CD86: variants seen among roughly 807,000 people sequenced by gnomAD.
CD86 encodes the protein CD86 molecule, also known as T-lymphocyte activation antigen CD86.
In CD86, 11 loss-of-function variants were observed where a neutral mutation model predicts 32.1. The observed-to-expected ratio is 0.34, with a 90% confidence interval of 0.22 to 0.57. The LOEUF is 0.57. Among genes scored for constraint, CD86 ranks in the 20% least tolerant of loss-of-function variants. The pLI is 0.86. For missense variants in CD86, 359 were observed against 398.4 expected, an observed-to-expected ratio of 0.90 and a Z score of 0.84; for synonymous variants, 137 against 135.3, an observed-to-expected ratio of 1.01 and a Z score of -0.09.
At chr3:122,066,524 C>G (rs1401004911) in intron 1 of CD86, among the ~76,000 whole-genome samples, 1 of 152,146 alleles carries the variant, frequency 6.6e-6, no homozygotes, top group Non-Finnish European at 1.5e-5. Context: ...GTCACACTAG[C>G]TGTGTGATCT....
At chr3:122,074,185 G>A (rs972362981) in intron 1 of CD86, among the ~76,000 whole-genome samples, 2 of 152,226 alleles carry the variant, frequency 1.3e-5, no homozygotes, top group South Asian at 2.1e-4. Context: ...TTCTAGGCAT[G>A]AGCCATCACA....
chr3:122,085,743 G>A (rs1350827790), intron 1 of CD86, among the ~76,000 whole-genome samples: 1 of 152,140 alleles, frequency 6.6e-6, no homozygotes. Context: ...GAAACTTCAG[G>A]TCCTGGTGCT....
At chr3:122,056,820 T>C (rs1450000986) in intron 1 of CD86, among the ~76,000 whole-genome samples, 1 of 152,224 alleles carries the variant, frequency 6.6e-6, no homozygotes, top group East Asian at 1.9e-4. Context: ...AAAAAAAGAA[T>C]TTCAAAATTT....
rs117994167 is a variant in CD86 at position 122,086,390 on chromosome 3, C to T, written c.15-5211C>T. Among the ~76,000 whole-genome samples, 12 of 152,316 alleles carry T rather than the reference C, an allele frequency of 7.9e-5. No individual in the cohort carries two copies. In the East Asian group the frequency reaches 2.3e-3, roughly 29 times the overall value. ...ATCCTCTCTGCACTCCCCTGTCCCA[C>T]CCCATTACTGGCTGCTGCCATTCCA... On this transcript the variant is annotated intron_variant, in intron 1 of 6. Transcript: ENST00000330540.
chr3:122,060,875 C>G (rs2072323188), intron 1 of CD86, among the ~76,000 whole-genome samples: 1 of 151,972 alleles, frequency 6.6e-6, no homozygotes, highest in African/African-American at 2.4e-5. Context: ...AAGAAGAAAA[C>G]AAGCCCAAGA....
intron 1 of CD86, among the ~76,000 whole-genome samples, chr3:122,084,324 A>T (rs1430058429): frequency 6.6e-6 from 1 of 152,220 alleles, no homozygotes; most frequent in South Asian, 2.1e-4. Flanking sequence ...GATCTAGAGC[A>T]GGAGTCAAGC....
intron 1 of CD86, among the ~76,000 whole-genome samples, chr3:122,061,807 C>T (rs2072340459): frequency 6.6e-6 from 1 of 152,192 alleles, no homozygotes; most frequent in South Asian, 2.1e-4. Context: ...ACCAAACATG[C>T]ATTTAGTATA....
At chr3:122,077,671 CTT>C (rs1015528099) in intron 1 of CD86, 20 of 631,722 alleles carry the variant, frequency 3.2e-5, no homozygotes, top group Middle Eastern at 7.8e-4. Context: ...GGGAAGGTGT[CTT>C]TGTCATGTTT....
chr3:122,069,282 TA>T (rs35736887), intron 1 of CD86, among the ~76,000 whole-genome samples: 19,828 of 144,518 alleles, frequency 0.14, 1,330 homozygotes, highest in African/African-American at 0.17. Context: ...TGAAGGAAAT[TA>T]AAAAAAAAAA....
At chr3:122,071,999 G>A (rs867079049) in intron 1 of CD86, among the ~76,000 whole-genome samples, 19 of 150,416 alleles carry the variant, frequency 1.3e-4, no homozygotes, top group Admixed American at 3.3e-4. Flanking sequence ...TTGTCCTTGC[G>A]GTAGTTTACT....
chr3:122,078,144 G>A, intron 1 of CD86: 1 of 707,198 alleles, frequency 1.4e-6, no homozygotes, highest in South Asian at 6.3e-5. Flanking sequence ...GCCGGCCAGA[G>A]AATGAGTAAA....
chr3:122,071,511 G>C (rs963967354), intron 1 of CD86, among the ~76,000 whole-genome samples: 5 of 152,106 alleles, frequency 3.3e-5, no homozygotes, highest in Non-Finnish European at 5.9e-5. Flanking sequence ...ATATACCACA[G>C]CTTTACCAAC....
At chr3:122,100,803 G>A (rs1413424079) in intron 2 of CD86, among the ~76,000 whole-genome samples, 7 of 152,110 alleles carry the variant, frequency 4.6e-5, no homozygotes, top group South Asian at 2.1e-4. Flanking sequence ...ACTAGACTTC[G>A]ACCATTCCTC....
chr3:122,069,388 C>A (rs2072457806), intron 1 of CD86, among the ~76,000 whole-genome samples: 1 of 151,950 alleles, frequency 6.6e-6, no homozygotes, highest in Admixed American at 6.6e-5. Context: ...TGGATAGGAA[C>A]AAAGGTAAAG....
chr3:122,063,539 T>G (rs544714961), intron 1 of CD86, among the ~76,000 whole-genome samples: 3 of 152,008 alleles, frequency 2.0e-5, no homozygotes, highest in African/African-American at 7.2e-5. Context: ...ATCCACAGAA[T>G]GTGTGTTTTA....
intron 1 of CD86, among the ~76,000 whole-genome samples, chr3:122,068,305 A>C: frequency 6.6e-6 from 1 of 152,164 alleles, no homozygotes; most frequent in Non-Finnish European, 1.5e-5. Context: ...ATTTGTTAAA[A>C]TGTGTTAGTT....
At chr3:122,094,746 C>T (rs2072879942) in intron 2 of CD86, among the ~76,000 whole-genome samples, 1 of 152,078 alleles carries the variant, frequency 6.6e-6, no homozygotes, top group Non-Finnish European at 1.5e-5. Context: ...TATTTTGTGT[C>T]CTCTGTCATG....
intron 1 of CD86, among the ~76,000 whole-genome samples, chr3:122,068,851 C>T (rs963655445): frequency 6.6e-6 from 1 of 152,174 alleles, no homozygotes; most frequent in Non-Finnish European, 1.5e-5. Context: ...AGTTAAATCA[C>T]TTAGACCGTC....
chr3:122,104,208 C>G lies in CD86; in HGVS notation c.400+361C>G, dbSNP rs561256779. On this transcript the variant is annotated intron_variant, in intron 3 of 6. Coordinates refer to ENST00000330540, the MANE Select transcript of CD86 (RefSeq NM_175862.5). ...AACCATAAAGGCCTCAGATGTCTTA[C>G]ATTCATTTTTTCCTTGGGTCCAAGA... 4.6e-5 allele frequency among the ~76,000 whole-genome samples: 7 copies of G among 152,212 alleles called. No homozygotes were observed. In the South Asian group the frequency reaches 1.0e-3, roughly 23 times the overall value.
Sources: gnomAD v4.1 joint callset for allele counts (sites outside exome capture counted in the v4.1 genomes callset) on GRCh38, gnomAD v4.1.1 for gene constraint, MANE v1.5 for transcripts, NCBI Gene and HGNC (gene_info 2026-07-23, HGNC 2026-07-21) for gene names.